Variants in RBAK observed in about 807,000 individuals in gnomAD.
The protein encoded by RBAK is RB-associated KRAB zinc finger protein.
In RBAK, 39 loss-of-function variants were observed where a neutral mutation model predicts 65.8. The observed-to-expected ratio is 0.59, with a 90% CI of 0.46 to 0.77. The LOEUF is 0.77. Among genes scored for constraint, RBAK ranks in the 30% least tolerant of loss-of-function variants. RBAK has a pLI of 0.00. For synonymous variants in RBAK, 343 were observed against 289.7 expected (o/e 1.18, Z -1.87); for missense variants, 884 against 855.1 (o/e 1.03, Z -0.42).
Position 5,048,155 on chromosome 7 carries a change from G to C in RBAK, c.15+64G>C, listed in dbSNP as rs1193827988. ...TTTTATGATGCATTTTAAGAGGTTT[G>C]TAAGGATTCTTACCTTTTTTTTTTT... is the stretch of plus-strand genomic sequence containing the variant. On this transcript the variant is annotated intron_variant, in intron 2 of 4. Coordinates refer to ENST00000396912, the MANE Select transcript of RBAK (RefSeq NM_021163.4). This position sits in a 1 kb window ranked among gnomAD's most constrained non-coding sequence, Gnocchi z 4.4. 10 of 1,564,794 alleles carry C rather than the reference G, an allele frequency of 6.4e-6. No individual in the cohort carries two copies. Among genetic ancestry groups the C allele is most frequent in the Non-Finnish European group, 8.7e-6 (10 of 1,155,498 alleles).
intron 4 of RBAK, 26 bp downstream of exon 4, chr7:5,057,805 A>G: frequency 1.2e-6 from 2 of 1,613,100 alleles, no homozygotes; most frequent in South Asian, 1.1e-5. Flanking sequence ...ATCAAAGGTT[A>G]AAAAATGCTC....
intron 2 of RBAK, among the ~76,000 whole-genome samples, chr7:5,051,137 A>G (rs1394248592): frequency 1.3e-5 from 2 of 152,156 alleles, no homozygotes; most frequent in African/African-American, 2.4e-5. Context: ...TATTTGATAT[A>G]TTTGATAGCA....
In RBAK at chr7:5,064,327, T is replaced by A; in HGVS notation, c.871T>A (p.Cys291Ser). The change falls in exon 5 of 5, where the codon TGT becomes AGT. Residue 291 changes from cysteine to serine, a missense_variant. Physicochemically the swap from Cys to Ser is moderately radical, Grantham distance 112. Transcript: ENST00000396912. The surrounding 1 kb of genome is among the most constrained non-coding windows in gnomAD (Gnocchi z 6.3). Reference protein sequence around the residue: ...RAHTGEKPYECNVCGKSFSQK... With the variant: ...RAHTGEKPYESNVCGKSFSQK... ...TCACACAGGAGAGAAACCTTATGAA[T>A]GTAATGTATGTGGGAAATCCTTCAG... is the stretch of plus-strand genomic sequence containing the variant. 1.2e-6 allele frequency: 2 copies of A among 1,614,136 alleles called. No individual in the cohort carries two copies. The highest frequency in any genetic ancestry group is 1.7e-6 in the Non-Finnish European group (2 of 1,180,000).
intron 2 of RBAK, among the ~76,000 whole-genome samples, chr7:5,052,696 G>A (rs574419890): frequency 6.6e-6 from 1 of 152,284 alleles, no homozygotes; most frequent in East Asian, 1.9e-4. Context: ...GGTGGTATCA[G>A]TGCCACACAG....
chr7:5,057,658 A>G (rs1271230007), intron 3 of RBAK, 26 bp from the exon 4 acceptor site: 1 of 1,613,400 alleles, frequency 6.2e-7, no homozygotes, highest in South Asian at 1.1e-5. Flanking sequence ...AGCTTCCCCA[A>G]GTCCTCCTTC....
chr7:5,062,656 C>T (rs181675057), intron 4 of RBAK, among the ~76,000 whole-genome samples: 16 of 152,272 alleles, frequency 1.1e-4, no homozygotes, highest in African/African-American at 3.1e-4. Flanking sequence ...ATTTCCTCTT[C>T]CTAATAAGCC....
At chr7:5,046,873 C>T (rs1421474199) in intron 1 of RBAK, among the ~76,000 whole-genome samples, 1 of 152,116 alleles carries the variant, frequency 6.6e-6, no homozygotes, top group Non-Finnish European at 1.5e-5. Flanking sequence ...GGGTCACTGG[C>T]TTTGTGGGTA....
At position 5,048,133 on chromosome 7, in the gene RBAK, T is replaced by C. The variant is rs764433087; in HGVS notation, c.15+42T>C. The C allele has an allele frequency of 2.5e-6, 4 of 1,583,138 alleles. No homozygotes were observed. The South Asian group carries it at 4.7e-5, about 18-fold the overall frequency. ...GTGTATATGTTCCTCAACTTTATTTTATGATGCATTTTAAGAGGTTTGTAA... is the reference window on the plus strand; with the variant it reads ...GTGTATATGTTCCTCAACTTTATTTCATGATGCATTTTAAGAGGTTTGTAA... On this transcript the variant is annotated intron_variant, in intron 2 of 4. Coordinates refer to ENST00000396912, the MANE Select transcript of RBAK (RefSeq NM_021163.4). The surrounding 1 kb of genome is among the most constrained non-coding windows in gnomAD (Gnocchi z 4.4).
At position 5,064,814 on chromosome 7, in the gene RBAK, A is replaced by G; in HGVS notation, c.1358A>G (p.Glu453Gly). Residue 453 changes from glutamate (E) to glycine (G), a missense_variant, in exon 5 of 5, where the codon GAA (glutamate) becomes GGA (glycine). Glu to Gly is a moderately conservative substitution (Grantham distance 98). Transcript: ENST00000396912. This position sits in a 1 kb window ranked among gnomAD's most constrained non-coding sequence, Gnocchi z 6.3. Reference sequence around the variant, plus strand: ...ACTATACATTATAGAAGTCATTTAGAAGAGAAACCCTATGAATGTAATGAA... The same window carrying G: ...ACTATACATTATAGAAGTCATTTAGGAGAGAAACCCTATGAATGTAATGAA... Reference protein sequence around the residue: ...YLTIHYRSHLEEKPYECNECG... With the variant: ...YLTIHYRSHLGEKPYECNECG... 1 of 1,614,102 alleles carries G rather than the reference A, an allele frequency of 6.2e-7. No homozygotes were observed.
At chr7:5,062,329 AGCTGG>A (rs1779094825) in intron 4 of RBAK, among the ~76,000 whole-genome samples, 2 of 152,284 alleles carry the variant, frequency 1.3e-5, no homozygotes, top group African/African-American at 4.8e-5. Flanking sequence ...GAAATTTTAA[AGCTGG>A]GCGTCCGGGG....
Position 5,064,503 on chromosome 7 carries a change from A to G in RBAK, c.1047A>G (p.Glu349=). 6.2e-7 allele frequency: 1 copy of G among 1,614,070 alleles called. No homozygotes were observed. Among genetic ancestry groups the G allele is most frequent in the Non-Finnish European group, 8.5e-7 (1 of 1,179,968 alleles). ...HSGEKPYECS[E]CGKTFCQKTH... is the part of the protein sequence containing the mutation. Reference sequence around the variant, plus strand: ...GAGAGAAACCCTACGAATGTAGCGAATGTGGGAAAACCTTCTGCCAAAAGA... The same window carrying G: ...GAGAGAAACCCTACGAATGTAGCGAGTGTGGGAAAACCTTCTGCCAAAAGA... Residue 349 remains glutamate, a synonymous_variant, in exon 5 of 5, where the codon GAA becomes GAG. Coordinates refer to ENST00000396912, the MANE Select transcript of RBAK (RefSeq NM_021163.4). This position sits in a 1 kb window ranked among gnomAD's most constrained non-coding sequence, Gnocchi z 6.3.
chr7:5,066,461 C>G lies in RBAK; in HGVS notation c.*860C>G, dbSNP rs1779220537. 1 of 152,068 alleles carries G rather than the reference C, an allele frequency of 6.6e-6. No homozygotes were observed. Among genetic ancestry groups the G allele is most frequent in the African/African-American group, 2.4e-5 (1 of 41,426 alleles). The allele number at this position is 152,068 out of a possible 1,614,324, so 9.4% of individuals were successfully genotyped here. A position where few individuals can be genotyped will look rare whatever the true frequency, so the allele number is the denominator to read the frequency against. On this transcript the variant is annotated 3_prime_UTR_variant, in exon 5 of 5. Transcript: ENST00000396912. Reference sequence around the variant, plus strand: ...TTAAGTCTATTTCAGTGAAAGAGAACAAGCATACTGCCCATACTCTAAAAT... The same window carrying G: ...TTAAGTCTATTTCAGTGAAAGAGAAGAAGCATACTGCCCATACTCTAAAAT...
chr7:5,050,914 A>G (rs1788102050), intron 2 of RBAK, among the ~76,000 whole-genome samples: 1 of 152,184 alleles, frequency 6.6e-6, no homozygotes. Flanking sequence ...CTATTTGGTT[A>G]TGTAATTCAT....
intron 1 of RBAK, 142 bp downstream of exon 1, chr7:5,046,538 G>C (rs1787989237): frequency 2.8e-6 from 1 of 352,104 alleles, no homozygotes; most frequent in Admixed American, 3.8e-5. Flanking sequence ...GCAGGGTCCG[G>C]CTGCACCGAA....
In RBAK at chr7:5,069,455, A is replaced by C. The variant is rs900588516; in HGVS notation, c.*3854A>C. On this transcript the variant is annotated 3_prime_UTR_variant, in exon 5 of 5. Transcript: ENST00000396912. ...GGTCTGAGCTGCCTCTTCAATAAAG[A>C]AGCTAATGTGTAACATTTCATATTT... 3 of 152,228 alleles carry C rather than the reference A, an allele frequency of 2.0e-5. No homozygotes were observed. The highest frequency in any genetic ancestry group is 7.2e-5 in the African/African-American group (3 of 41,462). The allele number at this position is 152,228 out of a possible 1,614,324, so 9.4% of individuals were successfully genotyped here.
chr7:5,057,463 G>T, intron 3 of RBAK, 42 bp downstream of exon 3: 1 of 1,614,044 alleles, frequency 6.2e-7, no homozygotes, highest in Non-Finnish European at 8.5e-7. Context: ...GTTGAATGGG[G>T]TTTTATCCTT....
intron 2 of RBAK, among the ~76,000 whole-genome samples, chr7:5,052,205 C>T (rs1213416231): frequency 6.6e-6 from 1 of 152,138 alleles, no homozygotes; most frequent in Non-Finnish European, 1.5e-5. Context: ...CATGGTATAT[C>T]TTATTCCATC....
chr7:5,062,136 T>A (rs1400809536), intron 4 of RBAK, among the ~76,000 whole-genome samples: 1 of 152,218 alleles, frequency 6.6e-6, no homozygotes, highest in East Asian at 1.9e-4. Flanking sequence ...TAAATTGTAA[T>A]AGATGTCTCC....
At position 5,065,180 on chromosome 7, in the gene RBAK, C is replaced by G. The variant is rs555675840; in HGVS notation, c.1724C>G (p.Thr575Ser). 3 of 1,613,518 alleles carry G rather than the reference C, an allele frequency of 1.9e-6. No individual in the cohort carries two copies. The highest frequency in any genetic ancestry group is 1.7e-4 in the Middle Eastern group (1 of 6,060). ...KPYGCSECGK[T>S]FSHNSSLFRH... ...TATGGATGTAGCGAATGTGGGAAAACCTTTTCCCATAATTCATCCCTCTTC... is the reference window on the plus strand; with the variant it reads ...TATGGATGTAGCGAATGTGGGAAAAGCTTTTCCCATAATTCATCCCTCTTC... Residue 575 changes from threonine (T) to serine (S), a missense_variant, in exon 5 of 5, where the codon ACC (threonine) becomes AGC (serine). Physicochemically the swap from Thr to Ser is moderately conservative, Grantham distance 58. Coordinates refer to ENST00000396912, the MANE Select transcript of RBAK (RefSeq NM_021163.4). The surrounding 1 kb of genome is among the most constrained non-coding windows in gnomAD (Gnocchi z 5.3).
Sources: allele counts gnomAD v4.1 joint callset (sites outside exome capture counted in the v4.1 genomes callset), GRCh38; gene constraint gnomAD v4.1.1; non-coding constraint Gnocchi (gnomAD v3.1); transcripts MANE v1.5; gene names NCBI Gene and HGNC (gene_info 2026-07-23, HGNC 2026-07-21).